Variants in PLEKHG1 observed in about 807,000 individuals in gnomAD.
The protein encoded by PLEKHG1 is pleckstrin homology domain-containing family G member 1.
A neutral mutation model predicts 100.8 loss-of-function variants in PLEKHG1; 44 were observed. The ratio of observed to expected loss-of-function variants is 0.44; its 90% CI spans 0.34 to 0.56. The LOEUF is 0.56. PLEKHG1 is among the 20% of genes least tolerant of loss of function. PLEKHG1 has a pLI of 0.01. For synonymous variants in PLEKHG1, 640 were observed against 662.5 expected, an observed-to-expected ratio of 0.97 and a Z score of 0.52; for missense variants, 1,545 against 1,720.9, an observed-to-expected ratio of 0.90 and a Z score of 1.81.
chr6:150,696,173 AAGT>A (rs1318962211), intron 3 of PLEKHG1, among the ~76,000 whole-genome samples: 2 of 152,214 alleles, frequency 1.3e-5, no homozygotes, highest in Non-Finnish European at 2.9e-5. Flanking sequence ...ATAGTTCTTA[AAGT>A]CCACATATCC....
chr6:150,625,247 A>G (rs1183599221), intron 1 of PLEKHG1, among the ~76,000 whole-genome samples: 3 of 152,306 alleles, frequency 2.0e-5, no homozygotes, highest in South Asian at 2.1e-4. Flanking sequence ...GGTGGCTTCA[A>G]TGACAGAAAT....
At chr6:150,674,637 CTCT>C in intron 3 of PLEKHG1, among the ~76,000 whole-genome samples, 1 of 92,096 alleles carries the variant, frequency 1.1e-5, no homozygotes, top group East Asian at 3.2e-4. Context: ...TCCTCCCTCT[CTCT>C]CTCTCTCTCT....
At chr6:150,793,301 T>C (rs1047974739) in intron 4 of PLEKHG1, among the ~76,000 whole-genome samples, 10 of 151,968 alleles carry the variant, frequency 6.6e-5, no homozygotes, top group Non-Finnish European at 1.0e-4. Flanking sequence ...ACTCTGGAGG[T>C]TGAGGTGAGA....
At chr6:150,805,590 C>A (rs1787026276) in intron 7 of PLEKHG1, among the ~76,000 whole-genome samples, 3 of 151,950 alleles carry the variant, frequency 2.0e-5, no homozygotes, top group African/African-American at 7.3e-5. Flanking sequence ...TGCAGTGGCA[C>A]AGTCTCAGCT....
chr6:150,651,189 A>G (rs1353056611), intron 3 of PLEKHG1: 4 of 152,202 alleles, frequency 2.6e-5, no homozygotes. Flanking sequence ...GACTGCAGGT[A>G]ACTGAAACTG....
chr6:150,780,933 G>C (rs1785273682), intron 3 of PLEKHG1, among the ~76,000 whole-genome samples: 1 of 151,852 alleles, frequency 6.6e-6, no homozygotes, highest in Non-Finnish European at 1.5e-5. Context: ...GAGTGCAGTG[G>C]CACTATCTCA....
chr6:150,767,125 T>C (rs1395296198), intron 2 of PLEKHG1, among the ~76,000 whole-genome samples: 1 of 152,240 alleles, frequency 6.6e-6, no homozygotes, highest in South Asian at 2.1e-4. Flanking sequence ...TCAATGAATA[T>C]ATTTCTTTAT....
At chr6:150,783,935 C>T (rs757314665) in intron 3 of PLEKHG1, among the ~76,000 whole-genome samples, 9 of 152,126 alleles carry the variant, frequency 5.9e-5, no homozygotes, top group Non-Finnish European at 1.2e-4. Flanking sequence ...GATCTTGTTA[C>T]TGCCTGACTT....
At chr6:150,835,005 C>T (rs1019106424) in intron 15 of PLEKHG1, among the ~76,000 whole-genome samples, 18 of 152,242 alleles carry the variant, frequency 1.2e-4, no homozygotes, top group Admixed American at 3.9e-4. Flanking sequence ...GACCGATTCT[C>T]CAGACTTCTC....
chr6:150,700,207 C>T (rs921877409), intron 3 of PLEKHG1, among the ~76,000 whole-genome samples: 2 of 152,236 alleles, frequency 1.3e-5, no homozygotes, highest in African/African-American at 4.8e-5. Context: ...CAGCCCCTTA[C>T]TGCTACAGAG....
In PLEKHG1 at chr6:150,804,870, A is replaced by T. The variant is rs545348068; in HGVS notation, c.912+129A>T. The T allele has an allele frequency of 1.0e-5, 8 of 774,970 alleles. No individual in the cohort carries two copies. The African/African-American group carries it at 1.4e-4, about 14-fold the overall frequency. 48.0% of individuals were successfully genotyped at this position (774,970 alleles called of 1,614,324 possible). ...ATCTTCAGTGTAGTTCTCCCTGAAA[A>T]AAGTTCAGGACATCAGTAATACCCA... On this transcript the variant is annotated intron_variant, in intron 7 of 15. Transcript: ENST00000358517.
chr6:150,659,132 G>T (rs1264764576), intron 3 of PLEKHG1, among the ~76,000 whole-genome samples: 2 of 150,494 alleles, frequency 1.3e-5, no homozygotes, highest in Middle Eastern at 3.5e-3. Flanking sequence ...TTGGGACTGG[G>T]TTCTCTCTCT....
chr6:150,764,120 TTTC>T (rs1784332132), intron 2 of PLEKHG1, among the ~76,000 whole-genome samples: 3 of 147,730 alleles, frequency 2.0e-5, no homozygotes, highest in African/African-American at 7.5e-5. Context: ...TCTTTTTCTT[TTTC>T]TTTTTTTTTT....
intron 1 of PLEKHG1, among the ~76,000 whole-genome samples, chr6:150,635,230 T>C (rs1777943470): frequency 6.6e-6 from 1 of 152,210 alleles, no homozygotes; most frequent in Admixed American, 6.5e-5. Flanking sequence ...TCACAGACTT[T>C]TTTTCTTTTT....
In PLEKHG1 at chr6:150,650,724, A is replaced by G. The variant is rs576389741; in HGVS notation, c.-157-4A>G. The G allele has an allele frequency of 5.3e-5, 8 of 152,226 alleles. No homozygotes were observed. The highest frequency in any genetic ancestry group is 1.2e-4 in the Non-Finnish European group (8 of 68,046). 9.4% of individuals were successfully genotyped at this position (152,226 alleles called of 1,614,324 possible). ...AAGCAATTTATTTTTTGTTTTTACT[A>G]CAGGTGAAGACTGATGAGAAGAGTC... On this transcript the variant is annotated splice_polypyrimidine_tract_variant and splice_region_variant and intron_variant, in intron 2 of 3. Coordinates refer to the PLEKHG1 transcript ENST00000367326.
At chr6:150,663,578 G>A (rs1779289867) in intron 3 of PLEKHG1, 1 of 144,112 alleles carries the variant, frequency 6.9e-6, no homozygotes, top group African/African-American at 2.6e-5. Flanking sequence ...TTTTGAGATG[G>A]AGTCTCACTC....
chr6:150,812,319 A>AATCCCAACATCT (rs1787576591), intron 10 of PLEKHG1, among the ~76,000 whole-genome samples: 1 of 152,216 alleles, frequency 6.6e-6, no homozygotes, highest in Non-Finnish European at 1.5e-5. Flanking sequence ...AACCCTTGGG[A>AATCCCAACATCT]ATCCCAACAT....
intron 3 of PLEKHG1, among the ~76,000 whole-genome samples, chr6:150,780,315 C>T (rs1043323798): frequency 6.6e-6 from 1 of 151,768 alleles, no homozygotes; most frequent in African/African-American, 2.4e-5. Context: ...AGGGTTTCAC[C>T]ATATTGGCCA....
In PLEKHG1 at chr6:150,797,813, C is replaced by T. The variant is rs565187422; in HGVS notation, c.629+1911C>T. 1.5e-4 allele frequency among the ~76,000 whole-genome samples: 16 copies of T among 108,262 alleles called. No individual in the cohort carries two copies. In the East Asian group the frequency reaches 4.3e-3, roughly 29 times the overall value. 71.0% of individuals were successfully genotyped at this position (108,262 alleles called of 152,430 possible). ...TAGCACCACTGCACTCCAGCCTTGG[C>T]AACAGAGCAAGACTCTGTCTCAAAA... On this transcript the variant is annotated intron_variant, in intron 5 of 15. Coordinates refer to ENST00000358517, the Ensembl canonical transcript of PLEKHG1.
Sources: gnomAD v4.1 joint callset for allele counts (sites outside exome capture counted in the v4.1 genomes callset) on GRCh38, gnomAD v4.1.1 for gene constraint, MANE v1.5 for transcripts, NCBI Gene and HGNC (gene_info 2026-07-23, HGNC 2026-07-21) for gene names.